The following NOTCH1 variants were observed in gnomAD, a reference collection of about 807,000 sequenced individuals.
NOTCH1 encodes the protein notch receptor 1.
A neutral mutation model predicts 254.8 loss-of-function variants in NOTCH1; 37 were observed. The observed-to-expected ratio is 0.15, with a 90% CI of 0.11 to 0.19. The LOEUF is 0.19. NOTCH1 is among the 10% of genes least tolerant of loss of function. The pLI is 1.00. For missense variants in NOTCH1, 2,972 were observed against 3,708.6 expected, an observed-to-expected ratio of 0.80 and a Z score of 5.16; for synonymous variants, 1,731 against 1,618.1, an observed-to-expected ratio of 1.07 and a Z score of -1.68.
intron 2 of NOTCH1, among the ~76,000 whole-genome samples, chr9:136,531,687 A>C (rs1466758911): frequency 6.6e-6 from 1 of 152,178 alleles, no homozygotes; most frequent in Non-Finnish European, 1.5e-5. Context: ...GGCACTGGTG[A>C]AAGAGGGACG....
At chr9:136,527,185 A>AGAG (rs1357013567) in intron 2 of NOTCH1, among the ~76,000 whole-genome samples, 1 of 152,186 alleles carries the variant, frequency 6.6e-6, no homozygotes, top group Non-Finnish European at 1.5e-5. Context: ...TCTCTCCCAC[A>AGAG]TGGCCACAGA....
rs1426366565 is a variant in NOTCH1, at chr9:136,544,116, G to A, written c.62-14C>T. ...AGCATCGCGGGCCTAGGCAGGGGCAGGAGAAGAGAGGTCAGTCTCACCCGC... is the reference window on the plus strand; with the variant it reads ...AGCATCGCGGGCCTAGGCAGGGGCAAGAGAAGAGAGGTCAGTCTCACCCGC... On this transcript the variant is annotated splice_polypyrimidine_tract_variant and intron_variant, in intron 1 of 33. Transcript: ENST00000651671. 1.3e-6 allele frequency: 2 copies of A among 1,561,038 alleles called. No individual in the cohort carries two copies. Among genetic ancestry groups the A allele is most frequent in the East Asian group, 4.8e-5 (2 of 42,078 alleles).
chr9:136,518,407 G>C (rs77655659), intron 6 of NOTCH1, 115 bp from the exon 7 acceptor site: 10 of 1,406,554 alleles, frequency 7.1e-6, no homozygotes, highest in Non-Finnish European at 9.7e-6. Flanking sequence ...CCGTGACCCC[G>C]TCGGGCATCC....
At chr9:136,520,695 G>A (rs377479922) in intron 4 of NOTCH1, among the ~76,000 whole-genome samples, 3 of 151,426 alleles carry the variant, frequency 2.0e-5, no homozygotes, top group African/African-American at 4.9e-5. Context: ...CTGAGGGCAC[G>A]TCACTGTACT....
chr9:136,511,344 GGTCTTTCC>G, intron 15 of NOTCH1, 73 bp from the exon 16 acceptor site: 1 of 1,525,042 alleles, frequency 6.6e-7, no homozygotes, highest in Non-Finnish European at 8.8e-7. Context: ...ACCGCCTGCT[GGTCTTTCC>G]GCCATCAGAG....
intron 17 of NOTCH1, among the ~76,000 whole-genome samples, chr9:136,510,282 C>T (rs1208300017): frequency 6.6e-6 from 1 of 152,228 alleles, no homozygotes; most frequent in Non-Finnish European, 1.5e-5. Flanking sequence ...GCCAGCAAGA[C>T]CCCCGGCTTC....
Position 136,497,423 on chromosome 9 carries a change from G to A in NOTCH1, c.6316C>T (p.His2106Tyr), listed in dbSNP as rs369665514. The A allele has an allele frequency of 6.2e-7, 1 of 1,611,840 alleles. No homozygotes were observed. The highest frequency in any genetic ancestry group is 1.3e-5 in the African/African-American group (1 of 74,938). Residue 2106 changes from histidine (H) to tyrosine (Y), a missense_variant, in exon 34 of 34, where the codon CAT (histidine) becomes TAT (tyrosine). Physicochemically the swap from His to Tyr is moderately conservative, Grantham distance 83. Coordinates refer to ENST00000651671, the MANE Select transcript of NOTCH1 (RefSeq NM_017617.5). ...TCCAGCAGCCTCACGATGTCGTGATGCATGCGCTCCTGTGCGATGTCGCGC... is the reference window on the plus strand; with the variant it reads ...TCCAGCAGCCTCACGATGTCGTGATACATGCGCTCCTGTGCGATGTCGCGC... ...LPRDIAQERMHHDIVRLLDEY... is the reference protein window; with the variant it reads ...LPRDIAQERMYHDIVRLLDEY...
At chr9:136,542,219 T>C (rs1843742170) in intron 2 of NOTCH1, among the ~76,000 whole-genome samples, 1 of 152,130 alleles carries the variant, frequency 6.6e-6, no homozygotes, top group African/African-American at 2.4e-5. Context: ...CTGGTGCCAC[T>C]GAGAAGAAGC....
At chr9:136,516,881 C>T (rs1018233568) in intron 9 of NOTCH1, among the ~76,000 whole-genome samples, 5 of 152,234 alleles carry the variant, frequency 3.3e-5, no homozygotes, top group South Asian at 2.1e-4. Context: ...CCCTCGCTCT[C>T]CTGGGAATCT....
chr9:136,515,006 G>A (rs1027468993), intron 12 of NOTCH1, among the ~76,000 whole-genome samples: 1 of 152,218 alleles, frequency 6.6e-6, no homozygotes, highest in African/African-American at 2.4e-5. Flanking sequence ...AGAGGCAGAA[G>A]GTACTTAAGC....
rs1331007243 is a variant in NOTCH1, at chr9:136,510,695, T to G, written c.2698A>C (p.Ser900Arg). 1 of 1,610,220 alleles carries G rather than the reference T, an allele frequency of 6.2e-7. No homozygotes were observed. Among genetic ancestry groups the G allele is most frequent in the South Asian group, 1.1e-5 (1 of 91,056 alleles). Reference sequence around the variant, plus strand: ...ATGTCGGTCTCGCAGTTGCGCCCACTGTAGCCGGCCTGGCAGTGGCAGCGG... The same window carrying G: ...ATGTCGGTCTCGCAGTTGCGCCCACGGTAGCCGGCCTGGCAGTGGCAGCGG... ...GYRCHCQAGYSGRNCETDIDD... is the reference protein window; with the variant it reads ...GYRCHCQAGYRGRNCETDIDD... The change falls in exon 17 of 34, where the codon AGT becomes CGT. Residue 900 changes from serine (S) to arginine (R), a missense_variant. Physicochemically the swap from Ser to Arg is moderately radical, Grantham distance 110 (BLOSUM62 -1). This residue lies in a region of NOTCH1 where 1,343 missense variants were observed against 1,557.0 expected (regional missense o/e 0.86). Transcript: ENST00000651671.
chr9:136,513,119 G>T lies in NOTCH1; in HGVS notation c.2369C>A (p.Thr790Asn). 1 of 1,612,882 alleles carries T rather than the reference G, an allele frequency of 6.2e-7. No individual in the cohort carries two copies. Among genetic ancestry groups the T allele is most frequent in the South Asian group, 1.1e-5 (1 of 91,066 alleles). ...REGFSGPNCQ[T>N]NINECASNPC... Reference sequence around the variant, plus strand: ...GTTGGACGCACACTCGTTGATGTTGGTCTGGCAGTTGGGACCTGGAGGGAA... The same window carrying T: ...GTTGGACGCACACTCGTTGATGTTGTTCTGGCAGTTGGGACCTGGAGGGAA... The change falls in exon 15 of 34, where the codon ACC (threonine) becomes AAC (asparagine). Residue 790 changes from threonine (T) to asparagine (N), a missense_variant. Thr to Asn is a moderately conservative substitution (Grantham distance 65). Around this residue, in one of 8 missense-constraint regions of NOTCH1, gnomAD observed 1,343 missense variants for 1,557.0 expected, o/e 0.86. Coordinates refer to ENST00000651671, the MANE Select transcript of NOTCH1 (RefSeq NM_017617.5). The surrounding 1 kb of genome is among the most constrained non-coding windows in gnomAD (Gnocchi z 4.7).
At position 136,513,654 on chromosome 9, in the gene NOTCH1, C is replaced by G; in HGVS notation, c.2208-117G>C. ...GCGGAGGTGCCCATCCACTCAGACT[C>G]GCAGAGTCCTTTAGTGGGGGCAGGC... On this transcript the variant is annotated intron_variant, in intron 13 of 33. Transcript: ENST00000651671. This position sits in a 1 kb window ranked among gnomAD's most constrained non-coding sequence, Gnocchi z 4.7. 1 of 1,181,020 alleles carries G rather than the reference C, an allele frequency of 8.5e-7. No individual in the cohort carries two copies. The highest frequency in any genetic ancestry group is 1.3e-5 in the South Asian group (1 of 76,676). 73.2% of individuals were successfully genotyped at this position (1,181,020 alleles called of 1,614,324 possible).
At chr9:136,519,939 T>C (rs888107600) in intron 4 of NOTCH1, among the ~76,000 whole-genome samples, 1 of 152,174 alleles carries the variant, frequency 6.6e-6, no homozygotes, top group Admixed American at 6.5e-5. Flanking sequence ...GGGCTGACAC[T>C]GGGGCCTGGG....
chr9:136,512,986 C>CCCCCCCCCCCACACCA, intron 15 of NOTCH1, 35 bp downstream of exon 15: 1 of 817,520 alleles, frequency 1.2e-6, no homozygotes, highest in Non-Finnish European at 2.0e-6. Context: ...ACATAGGCCC[C>CCCCCCCCCCCACACCA]GCCCCCTCCA....
In NOTCH1 at chr9:136,523,721, C is replaced by A; in HGVS notation, c.399G>T (p.Trp133Cys). The change falls in exon 3 of 34, where the codon TGG becomes TGT. Residue 133 changes from tryptophan to cysteine, a missense_variant. Transcript: ENST00000651671. ...AGGCTGTGGGTCCTCCCTCACCTGA[C>A]CAGCCGGGCGGGCAGCGGCACTTGT... is the stretch of plus-strand genomic sequence containing the variant. ...TEYKCRCPPG[W>C]SGKSCQQADP... 1 of 1,604,468 alleles carries A rather than the reference C, an allele frequency of 6.2e-7. No individual in the cohort carries two copies. Among genetic ancestry groups the A allele is most frequent in the Non-Finnish European group, 8.5e-7 (1 of 1,177,256 alleles).
In NOTCH1 at chr9:136,496,402, A is replaced by C; in HGVS notation, c.7337T>G (p.Leu2446Arg). 1 of 1,599,262 alleles carries C rather than the reference A, an allele frequency of 6.3e-7. No homozygotes were observed. Among genetic ancestry groups the C allele is most frequent in the Admixed American group, 1.7e-5 (1 of 59,658 alleles). ...GTGCACCGCCAGGCTGCTGGGGCCCAGTGGCTGCACGTCTGCCTGGCTCGG... is the reference window on the plus strand; with the variant it reads ...GTGCACCGCCAGGCTGCTGGGGCCCCGTGGCTGCACGTCTGCCTGGCTCGG... ...GEPSQADVQP[L>R]GPSSLAVHTI... The change falls in exon 34 of 34, where the codon CTG becomes CGG. Residue 2446 changes from leucine (L) to arginine (R), a missense_variant. Transcript: ENST00000651671.
chr9:136,495,680 A>G lies in NOTCH1; in HGVS notation c.*391T>C, dbSNP rs1039473938. On this transcript the variant is annotated 3_prime_UTR_variant, in exon 34 of 34. Coordinates refer to ENST00000651671, the MANE Select transcript of NOTCH1 (RefSeq NM_017617.5). ...ATGCTCGTTCAACTTCCCTTCTCCA[A>G]CATCATTTCTTTTTGGATTTTGAAA... is the stretch of plus-strand genomic sequence containing the variant. The G allele has an allele frequency of 4.9e-6, 2 of 410,208 alleles. No individual in the cohort carries two copies. The highest frequency in any genetic ancestry group is 2.1e-5 in the African/African-American group (1 of 48,678). 25.4% of individuals were successfully genotyped at this position (410,208 alleles called of 1,614,324 possible).
chr9:136,496,274 T>C lies in NOTCH1; in HGVS notation c.7465A>G (p.Ser2489Gly), dbSNP rs1842912261. The change falls in exon 34 of 34, where the codon AGC (serine) becomes GGC (glycine). Residue 2489 changes from serine (S) to glycine (G), a missense_variant. By Grantham distance (56) the Ser-to-Gly change is moderately conservative (BLOSUM62 0). Coordinates refer to ENST00000651671, the MANE Select transcript of NOTCH1 (RefSeq NM_017617.5). ...GTGTTGTCCACAGGCGAGGAGTAGC[T>C]GTGCTGCGAGGGGGGCGTCAGGAAC... ...AQFLTPPSQHSYSSPVDNTPS... is the reference protein window; with the variant it reads ...AQFLTPPSQHGYSSPVDNTPS... 6.2e-7 allele frequency: 1 copy of C among 1,600,510 alleles called. No homozygotes were observed.
Sources: allele counts gnomAD v4.1 joint callset (sites outside exome capture counted in the v4.1 genomes callset), GRCh38; gene constraint gnomAD v4.1.1; regional missense constraint gnomAD v4.1.1; non-coding constraint Gnocchi (gnomAD v3.1); transcripts MANE v1.5; gene names NCBI Gene and HGNC (gene_info 2026-07-23, HGNC 2026-07-21).